The following FBXO36 variants were observed in gnomAD, a reference collection of about 807,000 sequenced individuals.
FBXO36 encodes F-box only protein 36.
FBXO36 carries 18 observed loss-of-function variants against 17.0 expected under a neutral mutation model. The observed-to-expected ratio is 1.06, with a 90% CI of 0.73 to 1.57. The LOEUF (loss-of-function observed/expected upper bound fraction) is 1.57. Ranked by LOEUF, FBXO36 falls within the 40% of genes most tolerant of loss-of-function variation. FBXO36 has a pLI of 0.00. For missense variants in FBXO36, 229 were observed against 221.9 expected (o/e 1.03, Z -0.20); for synonymous variants, 83 against 85.3 (o/e 0.97, Z 0.15).
chr2:229,931,920 A>AT (rs386392870), intron 1 of FBXO36, among the ~76,000 whole-genome samples: 28 of 147,064 alleles, frequency 1.9e-4, no homozygotes, highest in African/African-American at 6.4e-4. Context: ...ATGTGTATAT[A>AT]TTTTTTTTTT....
At chr2:229,987,011 G>T (rs1446736992) in intron 2 of FBXO36, among the ~76,000 whole-genome samples, 1 of 150,828 alleles carries the variant, frequency 6.6e-6, no homozygotes, top group Non-Finnish European at 1.5e-5. Context: ...TTGAGGTCAG[G>T]AGTTCAAGAC....
chr2:229,967,551 C>T (rs145674303), intron 1 of FBXO36, among the ~76,000 whole-genome samples: 1,822 of 152,206 alleles, frequency 0.012, 28 homozygotes, highest in East Asian at 0.06. Context: ...AGATATGTCC[C>T]ATCAATACCT....
intron 1 of FBXO36, among the ~76,000 whole-genome samples, chr2:229,946,906 C>A (rs1176240994): frequency 1.3e-5 from 2 of 152,158 alleles, no homozygotes; most frequent in African/African-American, 4.8e-5. Context: ...GTGGCTCATG[C>A]CTATAATCCT....
chr2:229,998,189 A>G (rs1333752150), intron 3 of FBXO36, among the ~76,000 whole-genome samples: 1 of 152,242 alleles, frequency 6.6e-6, no homozygotes, highest in African/African-American at 2.4e-5. Flanking sequence ...AATTAATTTT[A>G]ATTCAGGCAC....
At chr2:229,939,127 C>T (rs1396869608) in intron 1 of FBXO36, 1 of 469,962 alleles carries the variant, frequency 2.1e-6, no homozygotes, top group Non-Finnish European at 2.7e-6. Context: ...CATCTTGGCT[C>T]ACCGCAACCT....
chr2:229,936,652 T>G (rs1339244081), intron 1 of FBXO36, among the ~76,000 whole-genome samples: 1 of 152,070 alleles, frequency 6.6e-6, no homozygotes, highest in East Asian at 1.9e-4. Flanking sequence ...GAGAATCACT[T>G]GAGCCCAGGA....
chr2:230,007,437 A>G (rs1437445419), intron 3 of FBXO36, among the ~76,000 whole-genome samples: 7 of 152,110 alleles, frequency 4.6e-5, no homozygotes, highest in Admixed American at 4.6e-4. Context: ...CATAATTCCC[A>G]TGTCTGGCCA....
At chr2:229,940,288 G>A (rs532831613) in intron 1 of FBXO36, among the ~76,000 whole-genome samples, 18 of 152,040 alleles carry the variant, frequency 1.2e-4, no homozygotes, top group African/African-American at 4.3e-4. Flanking sequence ...TTTTTTGGAG[G>A]GTGGTTGGTA....
rs959787743 is a variant in FBXO36 at position 230,010,945 on chromosome 2, A to T, written c.*61A>T. ...GGCTGTGTTTCTCTTCAGTGTCCAA[A>T]TCTCTTCTGTCTCCTTTTCTTAAGA... On this transcript the variant is annotated 3_prime_UTR_variant, in exon 4 of 4. Coordinates refer to ENST00000283946, the MANE Select transcript of FBXO36 (RefSeq NM_174899.5). 8 of 1,472,520 alleles carry T rather than the reference A, an allele frequency of 5.4e-6. No individual in the cohort carries two copies. Among genetic ancestry groups the T allele is most frequent in the Non-Finnish European group, 7.3e-6 (8 of 1,094,578 alleles). The allele number at this position is 1,472,520 out of a possible 1,614,324, so 91.2% of individuals were successfully genotyped here.
chr2:229,996,741 TG>T lies in FBXO36; in HGVS notation c.206-9del. 1 of 1,600,312 alleles carries T rather than the reference TG, an allele frequency of 6.2e-7. No homozygotes were observed. ...TATATGATAACCATGTTGGCTTCTT[TG>T]AATTACAGGTCAAACTGCCTTAATA... On this transcript the variant is annotated splice_polypyrimidine_tract_variant and intron_variant, in intron 2 of 3. Coordinates refer to ENST00000283946, the MANE Select transcript of FBXO36 (RefSeq NM_174899.5).
intron 3 of FBXO36, 68 bp downstream of exon 3, chr2:229,996,991 A>G (rs2077331100): frequency 2.0e-6 from 3 of 1,473,866 alleles, no homozygotes; most frequent in Non-Finnish European, 2.8e-6. Flanking sequence ...TTTTTAACAT[A>G]GCAATCATTT....
At chr2:230,003,184 C>T (rs983436515) in intron 3 of FBXO36, among the ~76,000 whole-genome samples, 3 of 148,534 alleles carry the variant, frequency 2.0e-5, no homozygotes, top group African/African-American at 7.5e-5. Flanking sequence ...CACTTTACCC[C>T]AGGCTACAGA....
intron 1 of FBXO36, among the ~76,000 whole-genome samples, chr2:229,925,977 C>T (rs766488918): frequency 7.9e-5 from 12 of 151,848 alleles, no homozygotes; most frequent in South Asian, 6.2e-4. Context: ...AAAAATAGTG[C>T]GCTGCTTTCT....
intron 2 of FBXO36, chr2:229,976,592 G>A (rs763845807): frequency 5.8e-5 from 18 of 312,514 alleles, no homozygotes; most frequent in East Asian, 2.9e-4. Context: ...AGGCCGAGGC[G>A]GGTGGATCAT....
In FBXO36 at chr2:230,012,227, T is replaced by G. The variant is rs2077419269; in HGVS notation, c.*1343T>G. 1.3e-5 allele frequency: 2 copies of G among 152,090 alleles called. No homozygotes were observed. Among genetic ancestry groups the G allele is most frequent in the Admixed American group, 6.6e-5 (1 of 15,262 alleles). The allele number at this position is 152,090 out of a possible 1,614,324, so 9.4% of individuals were successfully genotyped here. A position where few individuals can be genotyped will look rare whatever the true frequency, so the allele number is the denominator to read the frequency against. ...GTGGACTCTGGCTCTTTGTCCCACC[T>G]AAGTCCTTCCAGAAGGGCTCTACAG... On this transcript the variant is annotated 3_prime_UTR_variant, in exon 4 of 4. Coordinates refer to ENST00000283946, the MANE Select transcript of FBXO36 (RefSeq NM_174899.5).
intron 2 of FBXO36, among the ~76,000 whole-genome samples, chr2:229,993,752 T>C (rs1178728502): frequency 6.6e-6 from 1 of 151,808 alleles, no homozygotes; most frequent in African/African-American, 2.4e-5. Flanking sequence ...GTCCTAAAAC[T>C]TTTACACTTT....
At chr2:229,964,807 C>G (rs2077142508) in intron 1 of FBXO36, among the ~76,000 whole-genome samples, 1 of 152,232 alleles carries the variant, frequency 6.6e-6, no homozygotes, top group Non-Finnish European at 1.5e-5. Flanking sequence ...GCGTGAGCCA[C>G]CGCGCCCGGT....
intron 1 of FBXO36, chr2:229,933,030 G>A (rs78703263): frequency 0.016 from 2,598 of 163,880 alleles, 71 homozygotes; most frequent in African/African-American, 0.059. Context: ...TTGCGCCATT[G>A]CGCTCCAGCC....
At chr2:229,967,133 G>C (rs1369570533) in intron 1 of FBXO36, among the ~76,000 whole-genome samples, 2 of 152,128 alleles carry the variant, frequency 1.3e-5, no homozygotes, top group African/African-American at 4.8e-5. Flanking sequence ...TATTCTCTTT[G>C]AAGCAATTGT....
Sources: allele counts gnomAD v4.1 joint callset (sites outside exome capture counted in the v4.1 genomes callset), GRCh38; gene constraint gnomAD v4.1.1; transcripts MANE v1.5; gene names NCBI Gene and HGNC (gene_info 2026-07-23, HGNC 2026-07-21).